DEFB124: variants seen among roughly 807,000 people sequenced by gnomAD.
The protein encoded by DEFB124 is beta-defensin 124.
For missense variants in DEFB124, 78 were observed against 83.1 expected (o/e 0.94, Z 0.24); for synonymous variants, 38 against 36.5 (o/e 1.04, Z -0.15).
intron 2 of DEFB124, among the ~76,000 whole-genome samples, chr20:31,468,988 T>C (rs752037104): frequency 3.9e-5 from 6 of 152,204 alleles, no homozygotes; most frequent in Non-Finnish European, 5.9e-5. Flanking sequence ...TAAAAACTCA[T>C]GCTGTTACAG....
intron 2 of DEFB124, among the ~76,000 whole-genome samples, chr20:31,468,613 T>C (rs1185390467): frequency 6.6e-6 from 1 of 151,822 alleles, no homozygotes; most frequent in Non-Finnish European, 1.5e-5. Flanking sequence ...GTAGCTGGGA[T>C]TACAGGCGCC....
intron 2 of DEFB124, among the ~76,000 whole-genome samples, chr20:31,470,572 T>C (rs1600567696): frequency 1.0e-5 from 1 of 95,926 alleles, no homozygotes; most frequent in Non-Finnish European, 2.1e-5. Flanking sequence ...CCCACCTCCA[T>C]CCCGGACGGG....
intron 2 of DEFB124, among the ~76,000 whole-genome samples, chr20:31,468,255 C>T (rs1980131727): frequency 6.6e-6 from 1 of 152,190 alleles, no homozygotes; most frequent in Admixed American, 6.5e-5. Flanking sequence ...TGCCTCAGGG[C>T]CTTGGCCCTT....
intron 2 of DEFB124, among the ~76,000 whole-genome samples, chr20:31,471,595 C>G (rs1238323569): frequency 6.7e-6 from 1 of 149,788 alleles, no homozygotes; most frequent in Admixed American, 6.6e-5. Context: ...AGACGCTCCT[C>G]ACTTCCCAGA....
intron 2 of DEFB124, among the ~76,000 whole-genome samples, chr20:31,470,406 C>T (rs372295315): frequency 2.1e-5 from 3 of 139,828 alleles, no homozygotes; most frequent in South Asian, 2.3e-4. Flanking sequence ...CCCTCCCGGA[C>T]GGGGCGGCTG....
intron 2 of DEFB124, among the ~76,000 whole-genome samples, chr20:31,469,531 G>C (rs1229492778): frequency 6.6e-6 from 1 of 151,772 alleles, no homozygotes; most frequent in Non-Finnish European, 1.5e-5. Flanking sequence ...CAATAGTGGA[G>C]GGAAGGTCGG....
At chr20:31,472,347 G>A (rs1409305176) in intron 2 of DEFB124, among the ~76,000 whole-genome samples, 6 of 151,688 alleles carry the variant, frequency 4.0e-5, no homozygotes, top group Non-Finnish European at 7.4e-5. Flanking sequence ...AGCCGAGATG[G>A]CAGCAGTACA....
At chr20:31,470,984 C>T (rs1980264924) in intron 2 of DEFB124, among the ~76,000 whole-genome samples, 2 of 139,410 alleles carry the variant, frequency 1.4e-5, no homozygotes, top group African/African-American at 2.7e-5. Context: ...ACTTCCCGGA[C>T]GGGGCGGCTG....
intron 2 of DEFB124, among the ~76,000 whole-genome samples, chr20:31,468,616 C>T (rs772957772): frequency 9.9e-5 from 15 of 151,976 alleles, no homozygotes; most frequent in Non-Finnish European, 1.9e-4. Context: ...GCTGGGATTA[C>T]AGGCGCCCAC....
chr20:31,473,248 G>T (rs191912151), intron 1 of DEFB124, among the ~76,000 whole-genome samples: 2 of 152,170 alleles, frequency 1.3e-5, no homozygotes, highest in South Asian at 2.1e-4. Flanking sequence ...GCTCGGAAGG[G>T]GAGGTAGAAT....
Position 31,475,041 on chromosome 20 carries a change from G to A in DEFB124, c.-440C>T, listed in dbSNP as rs1029597352. Among the ~76,000 whole-genome samples, 4 of 152,234 alleles carry A rather than the reference G, an allele frequency of 2.6e-5. No homozygotes were observed. Among genetic ancestry groups the A allele is most frequent in the African/African-American group, 9.6e-5 (4 of 41,454 alleles). ...GATGGAGTGGACAGATGTGGACGCA[G>A]ATGGAGCTCCAGACCCAGGAATCCA... On this transcript the variant is annotated 5_prime_UTR_variant, in exon 1 of 3. Coordinates refer to ENST00000317676, the MANE Select transcript of DEFB124 (RefSeq NM_001037500.2). This position sits in a 1 kb window ranked among gnomAD's most constrained non-coding sequence, Gnocchi z 5.0.
chr20:31,472,390 G>A (rs866102803), intron 2 of DEFB124, among the ~76,000 whole-genome samples: 1 of 149,674 alleles, frequency 6.7e-6, no homozygotes, highest in African/African-American at 2.5e-5. Flanking sequence ...GAGGGAGACA[G>A]TGGAAAGAGA....
chr20:31,473,133 G>GCCCA, intron 1 of DEFB124, 95 bp from the exon 2 acceptor site: 2 of 1,140,302 alleles, frequency 1.8e-6, no homozygotes, highest in Non-Finnish European at 2.5e-6. Context: ...AGTGCTGTGG[G>GCCCA]CAGCAGGCCT....
At chr20:31,470,804 C>T (rs1474827469) in intron 2 of DEFB124, among the ~76,000 whole-genome samples, 32 of 130,570 alleles carry the variant, frequency 2.5e-4, no homozygotes, top group Non-Finnish European at 4.3e-4. Context: ...CCTCACCTCC[C>T]GGACGGGGCG....
chr20:31,466,978 C>T (rs1405431775), intron 2 of DEFB124, among the ~76,000 whole-genome samples: 3 of 152,108 alleles, frequency 2.0e-5, no homozygotes, highest in Admixed American at 6.6e-5. Context: ...AAAAAACAAG[C>T]ATATAAATAC....
chr20:31,466,623 A>ATATATATATATATATAT (rs1274120880), intron 2 of DEFB124, among the ~76,000 whole-genome samples: 24 of 147,944 alleles, frequency 1.6e-4, no homozygotes, highest in South Asian at 4.2e-4. Context: ...ATATATATAT[A>ATATATATATATATATAT]AAACCTTATC....
intron 2 of DEFB124, among the ~76,000 whole-genome samples, chr20:31,470,081 AC>A (rs760017191): frequency 2.4e-5 from 3 of 123,672 alleles, no homozygotes; most frequent in Non-Finnish European, 5.1e-5. Flanking sequence ...CAGGGGGCTG[AC>A]CCCCCCACCT....
In DEFB124 at chr20:31,465,589, T is replaced by C. The variant is rs776838923; in HGVS notation, c.133A>G (p.Met45Val). 5 of 1,614,212 alleles carry C rather than the reference T, an allele frequency of 3.1e-6. No individual in the cohort carries two copies. Among genetic ancestry groups the C allele is most frequent in the Non-Finnish European group, 4.2e-6 (5 of 1,180,048 alleles). Residue 45 changes from methionine to valine, a missense_variant, in exon 3 of 3, where the codon ATG becomes GTG. Coordinates refer to ENST00000317676, the MANE Select transcript of DEFB124 (RefSeq NM_001037500.2). ...AGGGACGCATCCGGGCACAGGTGCA[T>C]GTAAGTTTCTTGCCTTGTGCAGTAA... is the stretch of plus-strand genomic sequence containing the variant. The part of the protein sequence containing the change: ...QTYCTRQETY[M>V]HLCPDASLCC...
At chr20:31,472,670 G>T in intron 2 of DEFB124, 1 of 381,148 alleles carries the variant, frequency 2.6e-6, no homozygotes, top group South Asian at 5.3e-5. Context: ...ATGAAAGCAA[G>T]GACCTTCTTT....
Sources: gnomAD v4.1 joint callset for allele counts (sites outside exome capture counted in the v4.1 genomes callset) on GRCh38, gnomAD v4.1.1 for gene constraint, Gnocchi (gnomAD v3.1) non-coding constraint, MANE v1.5 for transcripts, NCBI Gene and HGNC (gene_info 2026-07-23, HGNC 2026-07-21) for gene names.